Variants in UGP2 observed in about 807,000 individuals in gnomAD.
UGP2 encodes the protein UTP--glucose-1-phosphate uridylyltransferase.
UGP2 carries 40 observed loss-of-function variants against 49.0 expected under a neutral mutation model. That is an observed-to-expected ratio of 0.82 (90% CI 0.63 to 1.06). UGP2 has a LOEUF of 1.06. Ranked by LOEUF, UGP2 falls within the 50% of genes least tolerant of loss-of-function variation. UGP2 has a pLI of 0.00. For missense variants in UGP2, 460 were observed against 603.5 expected, an observed-to-expected ratio of 0.76 and a Z score of 2.49; for synonymous variants, 225 against 213.0, an observed-to-expected ratio of 1.06 and a Z score of -0.49.
intron 3 of UGP2, among the ~76,000 whole-genome samples, chr2:63,880,138 C>T (rs1293779742): frequency 6.6e-6 from 1 of 151,514 alleles, no homozygotes; most frequent in Non-Finnish European, 1.5e-5. Context: ...TCTTTCCTTC[C>T]TCTCCTCTCC....
At chr2:63,860,153 ATATTT>A (rs1190845298) in intron 3 of UGP2, among the ~76,000 whole-genome samples, 2 of 152,204 alleles carry the variant, frequency 1.3e-5, no homozygotes, top group African/African-American at 2.4e-5. Flanking sequence ...AATGCAAATA[ATATTT>A]TATATTCCTA....
rs184828827 is a variant in UGP2 at position 63,865,829 on chromosome 2, C to T, written c.255+7893C>T. ...GGATTGTAGGTGTGAGTGACCTCAC[C>T]TGGCCTTGGGTCTACTTTTTATTAT... On this transcript the variant is annotated intron_variant, in intron 3 of 9. Coordinates refer to ENST00000337130, the MANE Select transcript of UGP2 (RefSeq NM_006759.4). Among the ~76,000 whole-genome samples the T allele has an allele frequency of 4.1e-4, 63 of 152,248 alleles. No homozygotes were observed. In the East Asian group the frequency reaches 0.012, roughly 29 times the overall value.
At chr2:63,875,491 C>G (rs148467791) in intron 3 of UGP2, among the ~76,000 whole-genome samples, 316 of 152,340 alleles carry the variant, frequency 2.1e-3, no homozygotes, top group Non-Finnish European at 3.8e-3. Context: ...TAACTGGAAA[C>G]TAAGTTGTGA....
chr2:63,842,285 G>C (rs1051549811), intron 1 of UGP2, 81 bp downstream of exon 1: 1 of 1,608,224 alleles, frequency 6.2e-7, no homozygotes, highest in African/African-American at 1.3e-5. Context: ...TGGGTGGTTT[G>C]GAAGTGGAAA....
At chr2:63,857,476 A>C (rs555873368) in intron 2 of UGP2, 35 of 386,384 alleles carry the variant, frequency 9.1e-5, no homozygotes, top group Non-Finnish European at 1.7e-4. Context: ...TGATCCTCCC[A>C]CCTCAGCCCC....
intron 1 of UGP2, 174 bp from the exon 2 acceptor site, chr2:63,856,132 T>C: frequency 1.5e-6 from 1 of 659,510 alleles, no homozygotes; most frequent in Non-Finnish European, 2.4e-6. Flanking sequence ...AATATGAAAC[T>C]GGAGTGAAAC....
At position 63,848,427 on chromosome 2, in the gene UGP2, G is replaced by A. The variant is rs1308896510; in HGVS notation, c.19+6223G>A. 5.3e-5 allele frequency among the ~76,000 whole-genome samples: 8 copies of A among 152,086 alleles called. No homozygotes were observed. In the South Asian group the frequency reaches 6.2e-4, roughly 12 times the overall value. On this transcript the variant is annotated intron_variant, in intron 1 of 9. Transcript: ENST00000337130. ...TGCCCAGGCTGGAATGCAGTGGTGC[G>A]ATCTTGGCTCACCACAACCTCCGCC...
chr2:63,877,240 AG>A (rs1670968323), intron 3 of UGP2, among the ~76,000 whole-genome samples: 1 of 152,240 alleles, frequency 6.6e-6, no homozygotes. Flanking sequence ...TGGAGGAGCA[AG>A]ATATTTTCCA....
At chr2:63,863,129 A>C (rs536883040) in intron 3 of UGP2, among the ~76,000 whole-genome samples, 25 of 152,328 alleles carry the variant, frequency 1.6e-4, no homozygotes, top group African/African-American at 5.8e-4. Context: ...ATGAATATAC[A>C]TAACTGTTGG....
At position 63,842,214 on chromosome 2, in the gene UGP2, G is replaced by A. The variant is rs753536286; in HGVS notation, c.19+10G>A. ...TCGAGATTTGTACAAGGTAAGAAAT[G>A]CTGCTGCTTATATCCCGAGTTGCTT... On this transcript the variant is annotated intron_variant, in intron 1 of 9. Transcript: ENST00000337130. 1 of 1,608,142 alleles carries A rather than the reference G, an allele frequency of 6.2e-7. No homozygotes were observed. The highest frequency in any genetic ancestry group is 1.7e-5 in the Admixed American group (1 of 58,306).
intron 3 of UGP2, among the ~76,000 whole-genome samples, chr2:63,875,172 C>T (rs1210186096): frequency 6.6e-6 from 1 of 152,178 alleles, no homozygotes; most frequent in Non-Finnish European, 1.5e-5. Context: ...TGTGCAGTAG[C>T]AGTAAGGGTT....
At chr2:63,877,250 C>T (rs1413170214) in intron 3 of UGP2, among the ~76,000 whole-genome samples, 1 of 152,190 alleles carries the variant, frequency 6.6e-6, no homozygotes, top group African/African-American at 2.4e-5. Context: ...AGATATTTTC[C>T]AACTATTTTT....
intron 1 of UGP2, chr2:63,855,544 CTTT>C: frequency 7.7e-6 from 1 of 129,088 alleles, no homozygotes; most frequent in Non-Finnish European, 1.4e-5. Flanking sequence ...TTTTTTTTCT[CTTT>C]TCTTTTCTTT....
In UGP2 at chr2:63,886,642, T is replaced by TCA; in HGVS notation, c.1071+106_1071+107dup. ...CCCTCTGTCCCATCTATTCCATTGG[T>TCA]CACTCCCTTTTGCCTTTTCAGACTC... On this transcript the variant is annotated intron_variant, in intron 7 of 9. Transcript: ENST00000337130. The TCA allele has an allele frequency of 2.3e-6, 3 of 1,320,124 alleles. No individual in the cohort carries two copies. The East Asian group carries it at 7.4e-5, about 33-fold the overall frequency. 81.8% of individuals were successfully genotyped at this position (1,320,124 alleles called of 1,614,324 possible).
At chr2:63,862,875 T>C (rs1356064198) in intron 3 of UGP2, 4 of 456,334 alleles carry the variant, frequency 8.8e-6, no homozygotes, top group African/African-American at 2.0e-5. Flanking sequence ...AAGATGATTT[T>C]AGTAAAGAGT....
intron 3 of UGP2, among the ~76,000 whole-genome samples, chr2:63,870,336 A>G (rs980815716): frequency 2.0e-5 from 3 of 152,238 alleles, no homozygotes; most frequent in Non-Finnish European, 1.5e-5. Context: ...GTAGAAGACA[A>G]AAAACTTTCT....
At chr2:63,846,668 T>G (rs1248839998) in intron 1 of UGP2, among the ~76,000 whole-genome samples, 1 of 152,196 alleles carries the variant, frequency 6.6e-6, no homozygotes, top group Non-Finnish European at 1.5e-5. Flanking sequence ...CAGGGAAGAT[T>G]ACTGAGCTAA....
At chr2:63,847,328 T>C (rs1672002138) in intron 1 of UGP2, among the ~76,000 whole-genome samples, 1 of 152,216 alleles carries the variant, frequency 6.6e-6, no homozygotes, top group Non-Finnish European at 1.5e-5. Flanking sequence ...AGATGAATTA[T>C]AGCAAGTTTA....
rs115683647 is a variant in UGP2 at position 63,889,507 on chromosome 2, T to A, written c.1315-574T>A. 1,277 of 152,668 alleles carry A rather than the reference T, an allele frequency of 8.4e-3. 7 individuals carry two copies. The highest frequency in any genetic ancestry group is 0.019 in the South Asian group (91 of 4,822). 9.5% of individuals were successfully genotyped at this position (152,668 alleles called of 1,614,324 possible). On this transcript the variant is annotated intron_variant, in intron 8 of 9. Coordinates refer to ENST00000337130, the MANE Select transcript of UGP2 (RefSeq NM_006759.4). ...AGAGTAATGGGCAATGGGGGCAAAG[T>A]AGTGGTGGTGGTGGATGGAAACAAG...
Sources: allele counts gnomAD v4.1 joint callset (sites outside exome capture counted in the v4.1 genomes callset), GRCh38; gene constraint gnomAD v4.1.1; transcripts MANE v1.5; gene names NCBI Gene and HGNC (gene_info 2026-07-23, HGNC 2026-07-21).